The following MAST2 variants were observed in gnomAD, a reference collection of about 807,000 sequenced individuals.
The protein encoded by MAST2 is microtubule-associated serine/threonine-protein kinase 2.
In MAST2, 70 loss-of-function variants were observed where a neutral mutation model predicts 147.4. The ratio of observed to expected loss-of-function variants is 0.47; its 90% CI spans 0.39 to 0.58. MAST2 has a LOEUF of 0.58. MAST2 is among the 20% of genes least tolerant of loss of function. The pLI is 0.00. For missense variants in MAST2, 2,080 were observed against 2,302.3 expected, an observed-to-expected ratio of 0.90 and a Z score of 1.98; for synonymous variants, 869 against 896.8, an observed-to-expected ratio of 0.97 and a Z score of 0.55.
chr1:45,837,685 T>C (rs1259097107), intron 3 of MAST2, among the ~76,000 whole-genome samples: 1 of 152,234 alleles, frequency 6.6e-6, no homozygotes, highest in Admixed American at 6.5e-5. Context: ...TAAATTTATC[T>C]TTATAAGAAA....
In MAST2 at chr1:46,035,847, A is replaced by C; in HGVS notation, c.5178A>C (p.Leu1726=). 1 of 1,614,022 alleles carries C rather than the reference A, an allele frequency of 6.2e-7. No individual in the cohort carries two copies. Among genetic ancestry groups the C allele is most frequent in the African/African-American group, 1.3e-5 (1 of 75,012 alleles). The change falls in exon 29 of 29, where the codon CTA becomes CTC. Residue 1726 remains leucine, a synonymous_variant. Coordinates refer to ENST00000361297, the MANE Select transcript of MAST2 (RefSeq NM_015112.3). The surrounding 1 kb of genome is among the most constrained non-coding windows in gnomAD (Gnocchi z 5.5). ...PSYEDPSQGW[L]WESECAQAVK... is the part of the protein sequence containing the mutation. ...ATGAGGATCCCAGCCAGGGCTGGCT[A>C]TGGGAGTCTGAGTGTGCACAAGCAG...
intron 1 of MAST2, among the ~76,000 whole-genome samples, chr1:45,812,051 T>C (rs1644318581): frequency 1.3e-5 from 2 of 152,260 alleles, no homozygotes; most frequent in South Asian, 4.1e-4. Context: ...ATTACAGGTG[T>C]GAGCCACCGC....
chr1:45,856,058 G>A (rs1251126116), intron 3 of MAST2, among the ~76,000 whole-genome samples: 1 of 152,194 alleles, frequency 6.6e-6, no homozygotes, highest in African/African-American at 2.4e-5. Flanking sequence ...TCTGTCCTGA[G>A]TGTATACACA....
intron 4 of MAST2, among the ~76,000 whole-genome samples, chr1:45,884,504 A>T (rs1422106853): frequency 6.6e-6 from 1 of 152,162 alleles, no homozygotes; most frequent in African/African-American, 2.4e-5. Context: ...GTGAGCTGAG[A>T]TCATGCCACT....
At chr1:45,829,704 G>A (rs530154019) in intron 3 of MAST2, 123 bp downstream of exon 3, 2 of 1,018,428 alleles carry the variant, frequency 2.0e-6, no homozygotes, top group African/African-American at 3.3e-5. Flanking sequence ...AATGAAGTAT[G>A]GAAGAGAATG....
intron 3 of MAST2, among the ~76,000 whole-genome samples, chr1:45,853,842 CTG>C (rs1257981373): frequency 1.3e-5 from 2 of 151,658 alleles, no homozygotes; most frequent in Non-Finnish European, 2.9e-5. Flanking sequence ...ATTTTCTCCT[CTG>C]TGTTCTTTTA....
chr1:45,856,291 A>C (rs1032968690), intron 3 of MAST2, among the ~76,000 whole-genome samples: 8 of 152,196 alleles, frequency 5.3e-5, no homozygotes, highest in Admixed American at 5.2e-4. Context: ...AATATCCCGT[A>C]TCTAAAAATA....
At chr1:45,831,780 G>GT (rs57991711) in intron 3 of MAST2, among the ~76,000 whole-genome samples, 2 of 55,794 alleles carry the variant, frequency 3.6e-5, no homozygotes, top group African/African-American at 2.1e-4. Flanking sequence ...AAGTTTAATA[G>GT]TTTTTTTTTT....
chr1:45,863,193 C>A (rs150019398), intron 3 of MAST2, among the ~76,000 whole-genome samples: 1 of 151,780 alleles, frequency 6.6e-6, no homozygotes, highest in African/African-American at 2.4e-5. Context: ...TACTGATTAC[C>A]GGGTTGAATA....
chr1:45,938,017 CT>C (rs1383525445), intron 4 of MAST2, among the ~76,000 whole-genome samples: 1 of 152,118 alleles, frequency 6.6e-6, no homozygotes, highest in African/African-American at 2.4e-5. Context: ...AACTCATCTG[CT>C]TTTTGGTTCT....
intron 5 of MAST2, among the ~76,000 whole-genome samples, chr1:45,996,362 CAG>C (rs1645056921): frequency 6.6e-6 from 1 of 151,974 alleles, no homozygotes; most frequent in Non-Finnish European, 1.5e-5. Flanking sequence ...CAAAAAAGAA[CAG>C]AATTTTTTTT....
Position 45,959,408 on chromosome 1 carries a change from A to T in MAST2, c.523A>T (p.Ser175Cys). The T allele has an allele frequency of 1.2e-6, 2 of 1,613,792 alleles. No individual in the cohort carries two copies. Among genetic ancestry groups the T allele is most frequent in the Non-Finnish European group, 1.7e-6 (2 of 1,179,812 alleles). Residue 175 changes from serine (S) to cysteine (C), a missense_variant, in exon 5 of 29, where the codon AGC (serine) becomes TGC (cysteine). Physicochemically the swap from Ser to Cys is moderately radical, Grantham distance 112 (BLOSUM62 -1). Around this residue, in one of 4 missense-constraint regions of MAST2, gnomAD observed 569 missense variants for 642.5 expected, o/e 0.89. Transcript: ENST00000361297. The part of the protein sequence containing the change: ...GSFCRTSNRK[S>C]LIVTSSTSPT... The stretch of plus-strand genomic sequence containing the variant: ...CAGTTGTCGGACAAGTAACCGCAAG[A>T]GCTTGATTGTGACCTCTAGCACATC...
intron 3 of MAST2, among the ~76,000 whole-genome samples, chr1:45,870,114 G>A (rs531230698): frequency 2.6e-5 from 4 of 152,236 alleles, no homozygotes; most frequent in South Asian, 2.1e-4. Context: ...AGTAGAGACA[G>A]GCTTTTGCCA....
At chr1:45,933,225 TAA>T (rs67194773) in intron 4 of MAST2, among the ~76,000 whole-genome samples, 38 of 32,190 alleles carry the variant, frequency 1.2e-3, no homozygotes, top group South Asian at 3.1e-3. Flanking sequence ...CCTGTCTCTT[TAA>T]AAAAAAAAAG....
In MAST2 at chr1:46,008,011, G is replaced by GGGAAAGCCACCAGTGAGCTTA. The variant is rs1348918176; in HGVS notation, c.903-281_903-261dup. On this transcript the variant is annotated intron_variant, in intron 8 of 28. Coordinates refer to ENST00000361297, the MANE Select transcript of MAST2 (RefSeq NM_015112.3). ...ATCCTACTCCAGGGGAGTTTATCCT[G>GGGAAAGCCACCAGTGAGCTTA]GGAAAGCCACCAGTGAGCTTAGGAG... is the stretch of plus-strand genomic sequence containing the variant. Among the ~76,000 whole-genome samples, 67 of 152,254 alleles carry GGGAAAGCCACCAGTGAGCTTA rather than the reference G, an allele frequency of 4.4e-4. 1 individual carries two copies. Among genetic ancestry groups the GGGAAAGCCACCAGTGAGCTTA allele is most frequent in the African/African-American group, 1.4e-3 (60 of 41,544 alleles).
At position 45,890,556 on chromosome 1, in the gene MAST2, A is replaced by C. The variant is rs917933704; in HGVS notation, c.500+8161A>C. On this transcript the variant is annotated intron_variant, in intron 4 of 28. Transcript: ENST00000361297. ...TATTTTTTCCTTCATTTTCAAGCCCAACAGTCCTATAGGATTAGAGCCACC... is the reference window on the plus strand; with the variant it reads ...TATTTTTTCCTTCATTTTCAAGCCCCACAGTCCTATAGGATTAGAGCCACC... 2.6e-5 allele frequency among the ~76,000 whole-genome samples: 4 copies of C among 152,222 alleles called. No individual in the cohort carries two copies. In the East Asian group the frequency reaches 7.7e-4, roughly 29 times the overall value.
At chr1:46,033,743 G>A (rs1394571255) in intron 26 of MAST2, 59 bp from the exon 27 acceptor site, 10 of 1,591,006 alleles carry the variant, frequency 6.3e-6, no homozygotes, top group Non-Finnish European at 8.6e-6. Context: ...AGGATTGGGG[G>A]AGGGGAGGGG....
chr1:45,908,095 A>G (rs944658396), intron 4 of MAST2, among the ~76,000 whole-genome samples: 6 of 151,926 alleles, frequency 3.9e-5, no homozygotes, highest in African/African-American at 1.4e-4. Flanking sequence ...TAATATTGTC[A>G]AAGAACCAAT....
chr1:45,920,123 C>G (rs1653217766), intron 4 of MAST2, among the ~76,000 whole-genome samples: 1 of 152,082 alleles, frequency 6.6e-6, no homozygotes, highest in Non-Finnish European at 1.5e-5. Flanking sequence ...TGAGTTTTTT[C>G]CACTCAGGCT....
Sources: allele counts gnomAD v4.1 joint callset (sites outside exome capture counted in the v4.1 genomes callset), GRCh38; gene constraint gnomAD v4.1.1; regional missense constraint gnomAD v4.1.1; non-coding constraint Gnocchi (gnomAD v3.1); transcripts MANE v1.5; gene names NCBI Gene and HGNC (gene_info 2026-07-23, HGNC 2026-07-21).